AUTS2: variants seen among roughly 807,000 people sequenced by gnomAD.
AUTS2 encodes activator of transcription and developmental regulator AUTS2, also known as autism susceptibility gene 2 protein.
AUTS2 carries 17 observed loss-of-function variants against 112.4 expected under a neutral mutation model. The observed-to-expected ratio is 0.15, with a 90% CI of 0.10 to 0.23. The LOEUF (loss-of-function observed/expected upper bound fraction) is 0.23. Ranked by LOEUF, AUTS2 falls within the 10% of genes least tolerant of loss-of-function variation. The pLI is 1.00. For synonymous variants in AUTS2, 751 were observed against 702.7 expected (o/e 1.07, Z -1.09); for missense variants, 1,510 against 1,701.6 (o/e 0.89, Z 1.98).
intron 1 of AUTS2, among the ~76,000 whole-genome samples, chr7:69,887,077 C>T (rs1794310756): frequency 1.3e-5 from 2 of 152,148 alleles, no homozygotes; most frequent in Non-Finnish European, 2.9e-5. Flanking sequence ...CGTGCATAGC[C>T]AGATTTGACA....
At chr7:70,431,918 G>A (rs995909014) in intron 4 of AUTS2, among the ~76,000 whole-genome samples, 1 of 152,240 alleles carries the variant, frequency 6.6e-6, no homozygotes, top group African/African-American at 2.4e-5. Flanking sequence ...CTTTGGCCAG[G>A]CGTGCACACG....
At chr7:70,482,272 A>C (rs1797820241) in intron 5 of AUTS2, among the ~76,000 whole-genome samples, 1 of 151,482 alleles carries the variant, frequency 6.6e-6, no homozygotes, top group Non-Finnish European at 1.5e-5. Context: ...CCATAGTCCT[A>C]CTCCCCACCT....
In AUTS2 at chr7:70,703,710, A is replaced by G. The variant is rs982167019; in HGVS notation, c.742+5090A>G. On this transcript the variant is annotated intron_variant, in intron 6 of 18. Coordinates refer to ENST00000342771, the MANE Select transcript of AUTS2 (RefSeq NM_015570.4). ...AAAGTGCATTTCCGATGTGCACAAGAGCAAACTGCCCGTTTCAGTCTCTGT... is the reference window on the plus strand; with the variant it reads ...AAAGTGCATTTCCGATGTGCACAAGGGCAAACTGCCCGTTTCAGTCTCTGT... 2.0e-5 allele frequency among the ~76,000 whole-genome samples: 3 copies of G among 152,124 alleles called. No individual in the cohort carries two copies. In the South Asian group the frequency reaches 6.2e-4, roughly 32 times the overall value.
At chr7:69,634,508 G>A (rs1459810335) in intron 1 of AUTS2, among the ~76,000 whole-genome samples, 1 of 152,132 alleles carries the variant, frequency 6.6e-6, no homozygotes, top group East Asian at 1.9e-4. Flanking sequence ...AGTTATATTT[G>A]GGTAGAGGAA....
rs904233457 is a variant in AUTS2, at chr7:69,657,967, C to G, written c.309+58005C>G. Among the ~76,000 whole-genome samples the G allele has an allele frequency of 2.0e-5, 3 of 152,234 alleles. No homozygotes were observed. In the South Asian group the frequency reaches 6.2e-4, roughly 31 times the overall value. ...GGCAAAGTTTGGTCCACAGGCCAAA[C>G]CAGGCCACTACCTGTTTTTATGCGG... On this transcript the variant is annotated intron_variant, in intron 1 of 18. Coordinates refer to ENST00000342771, the MANE Select transcript of AUTS2 (RefSeq NM_015570.4).
At chr7:70,044,372 C>T (rs1206852687) in intron 2 of AUTS2, among the ~76,000 whole-genome samples, 1 of 152,092 alleles carries the variant, frequency 6.6e-6, no homozygotes, top group Non-Finnish European at 1.5e-5. Context: ...TGTTCTTTTT[C>T]CCTGGAAATT....
chr7:70,306,448 G>A (rs189629968), intron 4 of AUTS2, among the ~76,000 whole-genome samples: 1 of 152,302 alleles, frequency 6.6e-6, no homozygotes, highest in Admixed American at 6.5e-5. Flanking sequence ...CAAGAATGAT[G>A]CAATTTGCAT....
intron 1 of AUTS2, among the ~76,000 whole-genome samples, chr7:69,614,420 C>A (rs1793253437): frequency 7.7e-6 from 1 of 129,516 alleles, no homozygotes; most frequent in Non-Finnish European, 1.7e-5. Flanking sequence ...CAGCAGTAAT[C>A]ATAGCTCACT....
At position 70,790,075 on chromosome 7, in the gene AUTS2, G is replaced by A. The variant is rs1174024336; in HGVS notation, c.2859G>A (p.Arg953=). ...YVRTPVVESA[R]PNSTSSREAE... ...GGACCCCGGTGGTGGAGAGTGCCAG[G>A]CCCAACAGCACCTCGAGCCGGGAGG... The change falls in exon 19 of 19, where the codon AGG becomes AGA. Residue 953 remains arginine (R), a synonymous_variant. Transcript: ENST00000342771. The surrounding 1 kb of genome is among the most constrained non-coding windows in gnomAD (Gnocchi z 7.6). 5 of 1,577,236 alleles carry A rather than the reference G, an allele frequency of 3.2e-6. No homozygotes were observed. Among genetic ancestry groups the A allele is most frequent in the African/African-American group, 2.7e-5 (2 of 74,180 alleles).
At chr7:69,818,227 C>G (rs910774322) in intron 1 of AUTS2, among the ~76,000 whole-genome samples, 1 of 152,226 alleles carries the variant, frequency 6.6e-6, no homozygotes, top group Non-Finnish European at 1.5e-5. Context: ...CTGAAGCCGT[C>G]TTTTCCTCAG....
rs1026614613 is a variant in AUTS2 at position 70,724,135 on chromosome 7, G to A, written c.742+25515G>A. Among the ~76,000 whole-genome samples, 19 of 152,124 alleles carry A rather than the reference G, an allele frequency of 1.2e-4. 1 individual carries two copies. The highest frequency in any genetic ancestry group is 3.9e-4 in the African/African-American group (16 of 41,430). On this transcript the variant is annotated intron_variant, in intron 6 of 18. Coordinates refer to ENST00000342771, the MANE Select transcript of AUTS2 (RefSeq NM_015570.4). ...TCAAACTCCTAGCCTCAGGTGATCC[G>A]CCTGCCTCGGCCTCTCAAAGTGTTG...
chr7:69,764,197 T>C (rs1249447372), intron 1 of AUTS2, among the ~76,000 whole-genome samples: 1 of 152,140 alleles, frequency 6.6e-6, no homozygotes, highest in African/African-American at 2.4e-5. Flanking sequence ...TTTGGATAAT[T>C]CTCTGAGCAA....
intron 1 of AUTS2, among the ~76,000 whole-genome samples, chr7:69,708,867 C>T (rs1798180695): frequency 1.3e-5 from 2 of 152,094 alleles, no homozygotes; most frequent in African/African-American, 2.4e-5. Flanking sequence ...CACAACCAGT[C>T]CTACATTGAG....
At chr7:70,435,086 G>T (rs1175138973) in intron 4 of AUTS2, among the ~76,000 whole-genome samples, 1 of 152,096 alleles carries the variant, frequency 6.6e-6, no homozygotes, top group African/African-American at 2.4e-5. Context: ...TGGCCCTAAA[G>T]CATACTTTTT....
intron 1 of AUTS2, among the ~76,000 whole-genome samples, chr7:69,685,188 T>C (rs945262155): frequency 8.5e-5 from 13 of 152,208 alleles, no homozygotes; most frequent in Non-Finnish European, 1.5e-4. Context: ...CCACAGTGGT[T>C]GACTCCCTGT....
At chr7:69,930,694 G>A (rs1468812898) in intron 2 of AUTS2, among the ~76,000 whole-genome samples, 2 of 152,104 alleles carry the variant, frequency 1.3e-5, no homozygotes, top group Non-Finnish European at 1.5e-5. Flanking sequence ...CCAAGCTCAA[G>A]ACCATAATTT....
intron 2 of AUTS2, among the ~76,000 whole-genome samples, chr7:69,945,201 G>A (rs1796763507): frequency 6.6e-6 from 1 of 152,068 alleles, no homozygotes; most frequent in East Asian, 1.9e-4. Flanking sequence ...ATCACCACAA[G>A]CAATTTTAGA....
chr7:69,957,780 G>T (rs999242687), intron 2 of AUTS2, among the ~76,000 whole-genome samples: 2 of 152,138 alleles, frequency 1.3e-5, no homozygotes, highest in African/African-American at 4.8e-5. Flanking sequence ...CCTCCCAAGT[G>T]GATTCAGTTC....
chr7:69,762,699 C>G (rs79858063), intron 1 of AUTS2, among the ~76,000 whole-genome samples: 1 of 151,998 alleles, frequency 6.6e-6, no homozygotes, highest in Admixed American at 6.5e-5. Flanking sequence ...AGTTATTGTA[C>G]TGGAGAAGAA....
Sources: allele counts gnomAD v4.1 joint callset (sites outside exome capture counted in the v4.1 genomes callset), GRCh38; gene constraint gnomAD v4.1.1; non-coding constraint Gnocchi (gnomAD v3.1); transcripts MANE v1.5; gene names NCBI Gene and HGNC (gene_info 2026-07-23, HGNC 2026-07-21).